The following CMPK1 variants were observed in gnomAD, a reference collection of about 807,000 sequenced individuals.
The protein encoded by CMPK1 is UMP-CMP kinase.
CMPK1 carries 10 observed loss-of-function variants against 25.7 expected under a neutral mutation model. The observed-to-expected ratio is 0.39, with a 90% CI of 0.24 to 0.66. The LOEUF is 0.66. Among genes scored for constraint, CMPK1 ranks in the 30% least tolerant of loss-of-function variants. The pLI is 0.48. For synonymous variants in CMPK1, 106 were observed against 101.5 expected, an observed-to-expected ratio of 1.04 and a Z score of -0.27; for missense variants, 199 against 280.5, an observed-to-expected ratio of 0.71 and a Z score of 2.08.
At chr1:47,376,568 G>A (rs768881736) in intron 5 of CMPK1, 136 bp from the exon 6 acceptor site, 5 of 474,596 alleles carry the variant, frequency 1.1e-5, no homozygotes, top group Non-Finnish European at 1.5e-5. Context: ...TGCCCGCCTC[G>A]ACCTCCCAAA....
intron 1 of CMPK1, among the ~76,000 whole-genome samples, chr1:47,367,103 T>C (rs1037823260): frequency 1.3e-5 from 2 of 152,128 alleles, no homozygotes; most frequent in African/African-American, 4.8e-5. Context: ...ACTCCTGGGC[T>C]CAAGCCATCC....
chr1:47,358,999 T>G, intron 1 of CMPK1: 1 of 930,166 alleles, frequency 1.1e-6, no homozygotes, highest in African/African-American at 1.8e-5. Flanking sequence ...ATTCTCATTT[T>G]AATGTTATTT....
intron 2 of CMPK1, among the ~76,000 whole-genome samples, chr1:47,370,805 G>T (rs1369233401): frequency 7.3e-6 from 1 of 137,306 alleles, no homozygotes; most frequent in Non-Finnish European, 1.6e-5. Context: ...AAAAAAATTA[G>T]TCGGCCGTGG....
At chr1:47,365,766 T>C (rs1266891589) in intron 1 of CMPK1, among the ~76,000 whole-genome samples, 2 of 152,174 alleles carry the variant, frequency 1.3e-5, no homozygotes, top group Non-Finnish European at 2.9e-5. Flanking sequence ...GGTGCTTTTT[T>C]CTCCCTCCAA....
chr1:47,359,021 A>G lies in CMPK1; in HGVS notation c.172-9448A>G, dbSNP rs897765004. On this transcript the variant is annotated intron_variant, in intron 1 of 5. Coordinates refer to ENST00000371873, the MANE Select transcript of CMPK1 (RefSeq NM_016308.3). ...TTTTAATGTTATTTACCTTTTTATA[A>G]TAAGAAAGAAGTACAGGCCAGGCGC... 8.7e-6 allele frequency: 8 copies of G among 917,362 alleles called. No homozygotes were observed. In the Admixed American group the frequency reaches 2.5e-4, roughly 28 times the overall value. 56.8% of individuals were successfully genotyped at this position (917,362 alleles called of 1,614,324 possible).
At chr1:47,370,628 GA>G (rs1385947026) in intron 2 of CMPK1, among the ~76,000 whole-genome samples, 1 of 138,764 alleles carries the variant, frequency 7.2e-6, no homozygotes. Context: ...GTGACAGAGT[GA>G]AACTCTGTTT....
intron 1 of CMPK1, among the ~76,000 whole-genome samples, chr1:47,342,279 A>G (rs567844524): frequency 5.9e-5 from 9 of 151,666 alleles, no homozygotes; most frequent in African/African-American, 2.2e-4. Flanking sequence ...ACAGGGTTTC[A>G]CCATGTTGGC....
chr1:47,343,276 A>G (rs1370976524), intron 1 of CMPK1, among the ~76,000 whole-genome samples: 2 of 150,886 alleles, frequency 1.3e-5, no homozygotes, highest in African/African-American at 2.4e-5. Context: ...CATGAGCCAC[A>G]ATGCCCGGCC....
chr1:47,350,601 T>C (rs1197950167), intron 1 of CMPK1, among the ~76,000 whole-genome samples: 1 of 151,824 alleles, frequency 6.6e-6, no homozygotes, highest in Admixed American at 6.6e-5. Flanking sequence ...TATAGAAAAA[T>C]TGGAAAATAC....
At chr1:47,375,054 A>G in intron 4 of CMPK1, 69 bp downstream of exon 4, 1 of 1,376,170 alleles carries the variant, frequency 7.3e-7, no homozygotes, top group Non-Finnish European at 1.0e-6. Flanking sequence ...GGAATAAAAG[A>G]GTCACATTTA....
intron 1 of CMPK1, among the ~76,000 whole-genome samples, chr1:47,337,507 G>A (rs1194820350): frequency 6.6e-6 from 1 of 151,946 alleles, no homozygotes; most frequent in African/African-American, 2.4e-5. Context: ...GTATTCTCTT[G>A]AGTCTAGTTG....
At chr1:47,355,660 G>A (rs1003968428) in intron 1 of CMPK1, among the ~76,000 whole-genome samples, 4 of 150,348 alleles carry the variant, frequency 2.7e-5, no homozygotes, top group African/African-American at 7.4e-5. Context: ...AGGCTGGAGT[G>A]CAGTGGTGCA....
intron 1 of CMPK1, among the ~76,000 whole-genome samples, chr1:47,365,620 T>TGA (rs1462660851): frequency 2.7e-5 from 3 of 109,404 alleles, no homozygotes; most frequent in Non-Finnish European, 5.1e-5. Context: ...GGTGACAGAG[T>TGA]GAGACCCTGT....
intron 1 of CMPK1, among the ~76,000 whole-genome samples, chr1:47,361,052 AACAT>A (rs900173686): frequency 1.4e-5 from 2 of 145,342 alleles, no homozygotes; most frequent in Non-Finnish European, 3.0e-5. Flanking sequence ...AAACATATGT[AACAT>A]ACATCCCATG....
In CMPK1 at chr1:47,359,389, T is replaced by TC. The variant is rs1280246607; in HGVS notation, c.172-9080_172-9079insC. Among the ~76,000 whole-genome samples the TC allele has an allele frequency of 8.0e-5, 11 of 138,046 alleles. No homozygotes were observed. In the East Asian group the frequency reaches 1.4e-3, roughly 18 times the overall value. 90.6% of individuals were successfully genotyped at this position (138,046 alleles called of 152,430 possible). A position where few individuals can be genotyped will look rare whatever the true frequency, so the allele number is the denominator to read the frequency against. ...TGGTTGTTAAGAAACCTTTTTTCTT[T>TC]TTTTTTTTTTTTTTTTGAGATAAAG... On this transcript the variant is annotated intron_variant, in intron 1 of 5. Coordinates refer to ENST00000371873, the MANE Select transcript of CMPK1 (RefSeq NM_016308.3).
At chr1:47,372,491 C>T (rs1017265961) in intron 2 of CMPK1, among the ~76,000 whole-genome samples, 1 of 152,200 alleles carries the variant, frequency 6.6e-6, no homozygotes. Context: ...AAGTAATATA[C>T]TTTCCACTAT....
intron 1 of CMPK1, among the ~76,000 whole-genome samples, chr1:47,335,747 C>T (rs1316861723): frequency 6.7e-6 from 1 of 148,714 alleles, no homozygotes. Flanking sequence ...TGTTGGTTCT[C>T]TTTCTTTTGT....
chr1:47,371,866 G>A (rs1381340700), intron 2 of CMPK1, among the ~76,000 whole-genome samples: 1 of 152,172 alleles, frequency 6.6e-6, no homozygotes, highest in East Asian at 1.9e-4. Context: ...CAGAGGCTGA[G>A]TGTATTGTCT....
chr1:47,375,007 C>T (rs1408251229), intron 4 of CMPK1, 22 bp downstream of exon 4: 5 of 1,554,598 alleles, frequency 3.2e-6, no homozygotes, highest in Admixed American at 1.7e-5. Context: ...TTTTTACATA[C>T]AACCACTTCA....
Sources: gnomAD v4.1 joint callset for allele counts (sites outside exome capture counted in the v4.1 genomes callset) on GRCh38, gnomAD v4.1.1 for gene constraint, MANE v1.5 for transcripts, NCBI Gene and HGNC (gene_info 2026-07-23, HGNC 2026-07-21) for gene names.